The following VAMP7 variants were observed in gnomAD, a reference collection of about 807,000 sequenced individuals.
VAMP7 encodes vesicle associated membrane protein 7, also known as vesicle-associated membrane protein 7.
VAMP7 carries 14 observed loss-of-function variants against 29.6 expected under a neutral mutation model. That is an observed-to-expected ratio of 0.47 (90% confidence interval 0.31 to 0.74). VAMP7 has a LOEUF of 0.74. VAMP7 is among the 30% of genes least tolerant of loss of function. The pLI, the probability that VAMP7 is intolerant of heterozygous loss-of-function variation, is 0.05. For synonymous variants in VAMP7, 95 were observed against 88.1 expected (o/e 1.08, Z -0.44); for missense variants, 223 against 262.4 (o/e 0.85, Z 1.04).
chrX:155,923,227 CTT>C (rs1022428423), intron 6 of VAMP7, among the ~76,000 whole-genome samples: 16 of 152,010 alleles, frequency 1.1e-4, no homozygotes, highest in African/African-American at 3.9e-4. Flanking sequence ...TAAGGGAAGT[CTT>C]TTCTGTTTAC....
chrX:155,899,125 C>A (rs1305659104), intron 4 of VAMP7, among the ~76,000 whole-genome samples: 1 of 151,670 alleles, frequency 6.6e-6, no homozygotes, highest in Non-Finnish European at 1.5e-5. Context: ...TTTGTGTGGA[C>A]ATATGTTTTT....
intron 6 of VAMP7, among the ~76,000 whole-genome samples, chrX:155,938,251 G>A (rs1439623737): frequency 6.6e-6 from 1 of 151,986 alleles, no homozygotes; most frequent in Non-Finnish European, 1.5e-5. Flanking sequence ...TCTAGTCAAT[G>A]CATATATTCT....
At position 155,900,594 on chromosome X, in the gene VAMP7, T is replaced by TCTTCCATTTCTTTGTA; in HGVS notation, c.433+7_433+8insCTTCCATTTCTTTGTA. 1.9e-6 allele frequency: 3 copies of TCTTCCATTTCTTTGTA among 1,600,210 alleles called. No individual in the cohort carries two copies. Among genetic ancestry groups the TCTTCCATTTCTTTGTA allele is most frequent in the South Asian group, 2.3e-5 (2 of 88,378 alleles). On this transcript the variant is annotated splice_region_variant and intron_variant, in intron 5 of 7. Coordinates refer to ENST00000286448, the MANE Select transcript of VAMP7 (RefSeq NM_005638.6). ...ATCATGGTCAGAAACATAGGTATGT[T>TCTTCCATTTCTTTGTA]TCATGGCATAGTTTCATGCATGTGG...
At chrX:155,940,786 TGTGA>T (rs2066732884) in intron 7 of VAMP7, among the ~76,000 whole-genome samples, 1 of 152,192 alleles carries the variant, frequency 6.6e-6, no homozygotes, top group Non-Finnish European at 1.5e-5. Context: ...CATGTGTATG[TGTGA>T]GTATGTGTGT....
At chrX:155,894,031 C>T (rs1428974309) in intron 2 of VAMP7, among the ~76,000 whole-genome samples, 1 of 152,122 alleles carries the variant, frequency 6.6e-6, no homozygotes. Flanking sequence ...CATGTCAGTC[C>T]TCTGTGAACA....
rs1210785374 is a variant in VAMP7, at chrX:155,918,492, A to G, written c.434-1321A>G. 3.9e-5 allele frequency among the ~76,000 whole-genome samples: 6 copies of G among 152,152 alleles called. No individual in the cohort carries two copies. In the East Asian group the frequency reaches 9.6e-4, roughly 24 times the overall value. On this transcript the variant is annotated intron_variant, in intron 5 of 7. Transcript: ENST00000286448. ...AGATTGCGAAGACTGTGGGAAAAGC[A>G]TAGTATCTGGGCCAGAGTGCACCAT... is the stretch of plus-strand genomic sequence containing the variant.
At chrX:155,919,692 A>C in intron 5 of VAMP7, 121 bp from the exon 6 acceptor site, 4 of 814,602 alleles carry the variant, frequency 4.9e-6, no homozygotes, top group Non-Finnish European at 8.0e-6. Context: ...CAGTGGGTGA[A>C]GCATGCCTGT....
intron 5 of VAMP7, among the ~76,000 whole-genome samples, chrX:155,907,996 G>A (rs1428296861): frequency 3.3e-5 from 5 of 151,988 alleles, no homozygotes; most frequent in African/African-American, 1.2e-4. Context: ...CTTCCTAGAT[G>A]GGATGGCGGC....
At chrX:155,924,122 TTTTTA>T (rs1242674865) in intron 6 of VAMP7, among the ~76,000 whole-genome samples, 1 of 152,172 alleles carries the variant, frequency 6.6e-6, no homozygotes, top group African/African-American at 2.4e-5. Flanking sequence ...GTCCTCTTCT[TTTTTA>T]TTTTGATTAC....
chrX:155,938,898 G>A (rs1400329864), intron 6 of VAMP7, among the ~76,000 whole-genome samples: 2 of 152,108 alleles, frequency 1.3e-5, no homozygotes, highest in Non-Finnish European at 2.9e-5. Context: ...ATTCATCTGT[G>A]GTAAATTGTA....
chrX:155,899,118 G>T (rs1367132705), intron 4 of VAMP7, among the ~76,000 whole-genome samples: 6 of 151,692 alleles, frequency 4.0e-5, no homozygotes, highest in Admixed American at 3.3e-4. Flanking sequence ...ATAAGTCTTT[G>T]TGTGGACATA....
chrX:155,886,342 A>G (rs1291509425), intron 1 of VAMP7, among the ~76,000 whole-genome samples: 7 of 152,192 alleles, frequency 4.6e-5, no homozygotes. Context: ...TTTTAGCAGT[A>G]TAGCAGAGAG....
intron 6 of VAMP7, among the ~76,000 whole-genome samples, chrX:155,938,836 G>C (rs138611380): frequency 1.3e-3 from 197 of 152,180 alleles, no homozygotes; most frequent in African/African-American, 4.6e-3. Flanking sequence ...ATAAAATATA[G>C]CAGGTATTCT....
chrX:155,900,630 T>TA, intron 5 of VAMP7, 43 bp downstream of exon 5: 1 of 1,517,330 alleles, frequency 6.6e-7, no homozygotes, highest in South Asian at 1.2e-5. Context: ...GCAAAAATGA[T>TA]AAAGATTACT....
At chrX:155,914,117 G>A (rs1430465409) in intron 5 of VAMP7, among the ~76,000 whole-genome samples, 2 of 152,044 alleles carry the variant, frequency 1.3e-5, no homozygotes, top group Admixed American at 1.3e-4. Context: ...TATTCTCTTT[G>A]TAGCAATTGT....
intron 6 of VAMP7, among the ~76,000 whole-genome samples, chrX:155,924,048 A>G (rs1450795622): frequency 9.9e-5 from 15 of 152,120 alleles, no homozygotes; most frequent in Non-Finnish European, 4.4e-5. Flanking sequence ...CTTACATGTA[A>G]TGCAAATTTT....
intron 5 of VAMP7, among the ~76,000 whole-genome samples, chrX:155,918,448 A>G (rs184367158): frequency 1.3e-5 from 2 of 152,276 alleles, no homozygotes; most frequent in African/African-American, 4.8e-5. Flanking sequence ...TAGGCACCCA[A>G]GGGAATCTCC....
chrX:155,895,029 G>C (rs922988712), intron 2 of VAMP7, among the ~76,000 whole-genome samples: 2 of 151,968 alleles, frequency 1.3e-5, no homozygotes, highest in Non-Finnish European at 1.5e-5. Flanking sequence ...TCTCCATTTC[G>C]TGCCTCATCT....
In VAMP7 at chrX:155,918,754, G is replaced by A. The variant is rs1391342744; in HGVS notation, c.434-1059G>A. Among the ~76,000 whole-genome samples the A allele has an allele frequency of 2.0e-5, 3 of 152,248 alleles. No homozygotes were observed. The East Asian group carries it at 5.8e-4, about 29-fold the overall frequency. On this transcript the variant is annotated intron_variant, in intron 5 of 7. Coordinates refer to ENST00000286448, the MANE Select transcript of VAMP7 (RefSeq NM_005638.6). ...TGCAGACCAGAGCTGTTCCTATTCG[G>A]TCATCTTGCCAACCACCCTGAGATG...
Sources: gnomAD v4.1 joint callset for allele counts (sites outside exome capture counted in the v4.1 genomes callset) on GRCh38, gnomAD v4.1.1 for gene constraint, MANE v1.5 for transcripts, NCBI Gene and HGNC (gene_info 2026-07-23, HGNC 2026-07-21) for gene names.